Variants in PLXNA4 observed in about 807,000 individuals in gnomAD.
PLXNA4 encodes the protein plexin A4, also known as plexin-A4.
Under a neutral mutation model 191.8 loss-of-function variants are expected in PLXNA4, and 44 were observed. The observed-to-expected ratio is 0.23, with a 90% CI of 0.18 to 0.29. The LOEUF (loss-of-function observed/expected upper bound fraction) is 0.29. PLXNA4 is among the 10% of genes least tolerant of loss of function. The pLI is 1.00. For missense variants in PLXNA4, 1,800 were observed against 2,488.8 expected (o/e 0.72, Z 5.89); for synonymous variants, 1,082 against 1,009.5 (o/e 1.07, Z -1.36).
At chr7:132,369,561 T>C (rs1230311313) in intron 3 of PLXNA4, among the ~76,000 whole-genome samples, 2 of 151,838 alleles carry the variant, frequency 1.3e-5, no homozygotes, top group African/African-American at 2.4e-5. Context: ...GGGCATAACA[T>C]ACACCAAAAA....
At chr7:132,309,578 G>A (rs938967525) in intron 3 of PLXNA4, among the ~76,000 whole-genome samples, 2 of 152,252 alleles carry the variant, frequency 1.3e-5, no homozygotes, top group South Asian at 4.2e-4. Context: ...TAATGCCTGC[G>A]AGACAATGAG....
chr7:132,291,897 C>T (rs576781098), intron 4 of PLXNA4, among the ~76,000 whole-genome samples: 52 of 152,262 alleles, frequency 3.4e-4, no homozygotes, highest in Non-Finnish European at 5.3e-4. Context: ...CAGGTTGAAG[C>T]GATTCTCCTG....
At chr7:132,474,214 T>TCACACACACACACACACACACA (rs56832356) in intron 3 of PLXNA4, among the ~76,000 whole-genome samples, 3 of 140,194 alleles carry the variant, frequency 2.1e-5, no homozygotes, top group African/African-American at 8.0e-5. Flanking sequence ...TCTCTCTGTC[T>TCACACACACACACACACACACA]CACACACACA....
intron 5 of PLXNA4, among the ~76,000 whole-genome samples, chr7:132,237,434 C>T (rs1187019551): frequency 6.6e-6 from 1 of 152,134 alleles, no homozygotes. Context: ...CAAGATTTTA[C>T]CCCCACCTTC....
In PLXNA4 at chr7:132,179,739, C is replaced by T. The variant is rs1796641560; in HGVS notation, c.3822G>A (p.Leu1274=). ...SRESDLTLKR[L]QMQMDNLESR... ...ACTCCAGGTTGTCCATCTGCATCTG[C>T]AGCCGCTTCAGCGTGAGGTCACTTT... The change falls in exon 20 of 32, where the codon CTG becomes CTA. Residue 1274 remains leucine (L), a synonymous_variant. Transcript: ENST00000321063. The T allele has an allele frequency of 2.5e-6, 4 of 1,614,148 alleles. No individual in the cohort carries two copies. The highest frequency in any genetic ancestry group is 3.4e-6 in the Non-Finnish European group (4 of 1,180,006).
intron 4 of PLXNA4, among the ~76,000 whole-genome samples, chr7:132,279,800 T>C (rs1800411323): frequency 6.6e-6 from 1 of 152,198 alleles, no homozygotes; most frequent in African/African-American, 2.4e-5. Context: ...GTTGTTGAGA[T>C]AGAGAAATCA....
chr7:132,513,211 C>G (rs923111980), intron 1 of PLXNA4, among the ~76,000 whole-genome samples: 1 of 152,168 alleles, frequency 6.6e-6, no homozygotes, highest in Non-Finnish European at 1.5e-5. Flanking sequence ...CATGAAATAG[C>G]ACCATCCTCT....
At chr7:132,633,602 A>C (rs1803535946) in intron 2 of PLXNA4, among the ~76,000 whole-genome samples, 2 of 152,100 alleles carry the variant, frequency 1.3e-5, no homozygotes, top group Admixed American at 6.5e-5. Flanking sequence ...TCTTGTGCAG[A>C]TTGTTCCTTT....
At chr7:132,621,636 G>C (rs1031848197) in intron 2 of PLXNA4, among the ~76,000 whole-genome samples, 13 of 152,038 alleles carry the variant, frequency 8.6e-5, no homozygotes, top group African/African-American at 2.9e-4. Flanking sequence ...TGTTACTCTA[G>C]GAAAAAATAG....
intron 9 of PLXNA4, among the ~76,000 whole-genome samples, chr7:132,212,062 A>G (rs1797820456): frequency 6.6e-6 from 1 of 152,164 alleles, no homozygotes; most frequent in African/African-American, 2.4e-5. Flanking sequence ...GAAGCCTTCC[A>G]TAACACAAGC....
At chr7:132,229,410 T>C (rs185060905) in intron 5 of PLXNA4, among the ~76,000 whole-genome samples, 1 of 152,280 alleles carries the variant, frequency 6.6e-6, no homozygotes, top group Admixed American at 6.5e-5. Flanking sequence ...GGTCACTGCA[T>C]GGAGGCATCT....
chr7:132,539,865 T>C (rs911365248), intron 1 of PLXNA4, among the ~76,000 whole-genome samples: 5 of 152,204 alleles, frequency 3.3e-5, no homozygotes, highest in African/African-American at 1.2e-4. Context: ...AAAGGAATCG[T>C]TCAAGGTCAC....
intron 25 of PLXNA4, among the ~76,000 whole-genome samples, chr7:132,158,446 A>G (rs1005234483): frequency 6.6e-6 from 1 of 152,174 alleles, no homozygotes; most frequent in East Asian, 1.9e-4. Flanking sequence ...ACACACATCA[A>G]TGCTTCTCCC....
chr7:132,526,022 A>C (rs1377589241), intron 1 of PLXNA4, among the ~76,000 whole-genome samples: 1 of 152,232 alleles, frequency 6.6e-6, no homozygotes, highest in Non-Finnish European at 1.5e-5. Context: ...AAATGCTGGC[A>C]TGTTGGTTTC....
In PLXNA4 at chr7:132,168,503, C is replaced by A. The variant is rs777393702; in HGVS notation, c.4087G>T (p.Val1363Leu). ...KLFAQLINNKVFLLSFIRTLE... is the reference protein window; with the variant it reads ...KLFAQLINNKLFLLSFIRTLE... ...GTGCGGATGAAGGACAGCAGGAACA[C>A]CTTGTTGTTGATGAGCTGGGCGAAG... Residue 1363 changes from valine to leucine, a missense_variant, in exon 22 of 32, where the codon GTG becomes TTG. Val to Leu is a conservative substitution (Grantham distance 32). Transcript: ENST00000321063. The A allele has an allele frequency of 1.4e-5, 23 of 1,613,376 alleles. No homozygotes were observed. Among genetic ancestry groups the A allele is most frequent in the Non-Finnish European group, 1.8e-5 (21 of 1,179,628 alleles).
rs1335999722 is a variant in PLXNA4, at chr7:132,298,786, G to A, written c.1372-564C>T. On this transcript the variant is annotated intron_variant, in intron 3 of 31. Coordinates refer to ENST00000321063, the MANE Select transcript of PLXNA4 (RefSeq NM_020911.2). ...GCTTATACTTATACCATTAGGTCCT[G>A]AAACCTTCTAGAGGTTTTGTTCACG... 2.0e-5 allele frequency among the ~76,000 whole-genome samples: 3 copies of A among 152,244 alleles called. No individual in the cohort carries two copies. The East Asian group carries it at 5.8e-4, about 29-fold the overall frequency.
rs555238940 is a variant in PLXNA4 at position 132,184,192 on chromosome 7, A to G, written c.3158+1107T>C. On this transcript the variant is annotated intron_variant, in intron 16 of 31. Coordinates refer to ENST00000321063, the MANE Select transcript of PLXNA4 (RefSeq NM_020911.2). ...CACACCCCTGAGAACTGAAGCTGAC[A>G]GTGAGAAGCCTGGTCCCAGCAGGGG... 1.1e-4 allele frequency among the ~76,000 whole-genome samples: 16 copies of G among 152,314 alleles called. No individual in the cohort carries two copies. In the South Asian group the frequency reaches 1.9e-3, roughly 18 times the overall value.
At chr7:132,529,297 A>C (rs1799531124) in intron 1 of PLXNA4, among the ~76,000 whole-genome samples, 2 of 152,192 alleles carry the variant, frequency 1.3e-5, no homozygotes, top group Non-Finnish European at 2.9e-5. Flanking sequence ...TCTACCTCAT[A>C]TCTCCTCAAA....
intron 2 of PLXNA4, among the ~76,000 whole-genome samples, chr7:132,606,185 G>T (rs1384604674): frequency 3.3e-5 from 5 of 152,144 alleles, no homozygotes; most frequent in Non-Finnish European, 5.9e-5. Context: ...AAGAAGCACG[G>T]AGAATTGACA....
Sources: gnomAD v4.1 joint callset for allele counts (sites outside exome capture counted in the v4.1 genomes callset) on GRCh38, gnomAD v4.1.1 for gene constraint, MANE v1.5 for transcripts, NCBI Gene and HGNC (gene_info 2026-07-23, HGNC 2026-07-21) for gene names.